Variants in AKAP6 observed in about 807,000 individuals in gnomAD.
The protein encoded by AKAP6 is A-kinase anchoring protein 6.
AKAP6 carries 58 observed loss-of-function variants against 188.5 expected under a neutral mutation model. The ratio of observed to expected loss-of-function variants is 0.31; its 90% confidence interval spans 0.25 to 0.38. AKAP6 has a LOEUF of 0.38. Among genes scored for constraint, AKAP6 ranks in the 10% least tolerant of loss-of-function variants. The pLI is 1.00. For synonymous variants in AKAP6, 989 were observed against 998.6 expected (o/e 0.99, Z 0.18); for missense variants, 2,710 against 2,740.0 (o/e 0.99, Z 0.24).
intron 1 of AKAP6, among the ~76,000 whole-genome samples, chr14:32,424,531 C>T (rs1889964556): frequency 6.6e-6 from 1 of 151,960 alleles, no homozygotes; most frequent in Non-Finnish European, 1.5e-5. Flanking sequence ...TTCAGGGGTA[C>T]AAGTGCAGGT....
intron 8 of AKAP6, among the ~76,000 whole-genome samples, chr14:32,689,492 T>C: frequency 6.6e-6 from 1 of 152,314 alleles, no homozygotes; most frequent in East Asian, 1.9e-4. Flanking sequence ...AAGAACTCCA[T>C]ATTCCTTTTA....
intron 9 of AKAP6, among the ~76,000 whole-genome samples, chr14:32,723,066 C>T (rs1481889046): frequency 1.3e-5 from 2 of 152,216 alleles, no homozygotes; most frequent in African/African-American, 4.8e-5. Context: ...TGCACCCGCT[C>T]ACCTGCGGGC....
chr14:32,638,659 CT>C (rs1259730150), intron 7 of AKAP6, among the ~76,000 whole-genome samples: 4 of 152,126 alleles, frequency 2.6e-5, no homozygotes, highest in African/African-American at 9.6e-5. Context: ...CTCTTTCCCT[CT>C]CTTTTTCTCC....
intron 2 of AKAP6, among the ~76,000 whole-genome samples, chr14:32,440,873 A>C (rs775076944): frequency 2.0e-5 from 3 of 152,178 alleles, no homozygotes; most frequent in Non-Finnish European, 2.9e-5. Context: ...GATGGGTGCT[A>C]TGATCTCAAA....
Position 32,545,216 on chromosome 14 carries a change from A to G in AKAP6, c.577-14A>G, listed in dbSNP as rs1883140701. 3 of 1,605,696 alleles carry G rather than the reference A, an allele frequency of 1.9e-6. No homozygotes were observed. The highest frequency in any genetic ancestry group is 2.6e-6 in the Non-Finnish European group (3 of 1,173,848). ...TGTTGCATTTACTGAAACCATTGCC[A>G]TTGTCTGTTTCAGGGCCGGCTTGAT... On this transcript the variant is annotated splice_polypyrimidine_tract_variant and intron_variant, in intron 3 of 13. Transcript: ENST00000280979.
chr14:32,697,557 C>T (rs563756979), intron 9 of AKAP6, among the ~76,000 whole-genome samples: 1 of 152,084 alleles, frequency 6.6e-6, no homozygotes, highest in Non-Finnish European at 1.5e-5. Context: ...AATATTTTAT[C>T]CCTAAGACTT....
At chr14:32,728,960 T>C (rs1401993868) in intron 9 of AKAP6, among the ~76,000 whole-genome samples, 1 of 152,192 alleles carries the variant, frequency 6.6e-6, no homozygotes, top group Non-Finnish European at 1.5e-5. Flanking sequence ...TGATGATCCC[T>C]CTATTTCAAA....
chr14:32,704,465 T>A (rs541069406), intron 9 of AKAP6, among the ~76,000 whole-genome samples: 2 of 152,338 alleles, frequency 1.3e-5, no homozygotes, highest in African/African-American at 4.8e-5. Flanking sequence ...CACTGCCATC[T>A]TTGGCTCCTG....
chr14:32,785,630 AAAGT>A (rs2033377153), intron 12 of AKAP6, among the ~76,000 whole-genome samples: 2 of 152,208 alleles, frequency 1.3e-5, no homozygotes, highest in Admixed American at 1.3e-4. Context: ...AAGTACTTGC[AAAGT>A]GTTGTAAATA....
At chr14:32,724,595 ACT>A (rs373741781) in intron 9 of AKAP6, among the ~76,000 whole-genome samples, 36 of 152,286 alleles carry the variant, frequency 2.4e-4, no homozygotes, top group African/African-American at 7.5e-4. Flanking sequence ...ACAAGTTGAC[ACT>A]CAATTAAAAT....
Position 32,451,305 on chromosome 14 carries a change from C to CT in AKAP6, c.324+17494dup, listed in dbSNP as rs554984673. The stretch of plus-strand genomic sequence containing the variant: ...TTAGTGAGTTGAATAATTTATTATC[C>CT]TTTTTTAAAAAACCTGATCCTACTT... On this transcript the variant is annotated intron_variant, in intron 2 of 13. Coordinates refer to ENST00000280979, the MANE Select transcript of AKAP6 (RefSeq NM_004274.5). Among the ~76,000 whole-genome samples, 329 of 152,152 alleles carry CT rather than the reference C, an allele frequency of 2.2e-3. 1 individual carries two copies. The highest frequency in any genetic ancestry group is 7.5e-3 in the African/African-American group (311 of 41,522).
At chr14:32,819,003 G>T (rs771718275) in intron 12 of AKAP6, among the ~76,000 whole-genome samples, 55 of 152,146 alleles carry the variant, frequency 3.6e-4, no homozygotes, top group Non-Finnish European at 6.2e-4. Context: ...TACAGCTGAA[G>T]ATTTTAACAT....
intron 2 of AKAP6, among the ~76,000 whole-genome samples, chr14:32,511,548 G>A (rs935326407): frequency 4.0e-5 from 6 of 151,862 alleles, no homozygotes; most frequent in African/African-American, 1.5e-4. Context: ...GCTAATTTTT[G>A]TATTTTTTAA....
intron 7 of AKAP6, among the ~76,000 whole-genome samples, chr14:32,671,767 A>C (rs1458899140): frequency 2.0e-5 from 3 of 150,606 alleles, no homozygotes; most frequent in Non-Finnish European, 4.4e-5. Context: ...GAAGTCTAGT[A>C]TGAGTGAACA....
chr14:32,591,837 G>A (rs995633741), intron 5 of AKAP6, among the ~76,000 whole-genome samples: 1 of 152,100 alleles, frequency 6.6e-6, no homozygotes, highest in Admixed American at 6.5e-5. Context: ...ACTTCATTTT[G>A]TTGGGGAAAT....
At chr14:32,351,890 A>G (rs1887285850) in intron 1 of AKAP6, among the ~76,000 whole-genome samples, 1 of 152,064 alleles carries the variant, frequency 6.6e-6, no homozygotes. Flanking sequence ...TAAATTACTA[A>G]TCTAATTTAT....
chr14:32,442,910 G>C (rs892899797), intron 2 of AKAP6, among the ~76,000 whole-genome samples: 2 of 152,108 alleles, frequency 1.3e-5, no homozygotes, highest in Non-Finnish European at 2.9e-5. Flanking sequence ...GAGGGGAAAC[G>C]TAATAGAATT....
chr14:32,774,096 G>A (rs1566701836), intron 12 of AKAP6: 2 of 588,610 alleles, frequency 3.4e-6, no homozygotes, highest in Non-Finnish European at 6.0e-6. Flanking sequence ...AACTCCATTT[G>A]TCATAACACT....
intron 1 of AKAP6, among the ~76,000 whole-genome samples, chr14:32,402,763 T>C (rs1221438977): frequency 8.6e-5 from 13 of 151,758 alleles, no homozygotes; most frequent in Non-Finnish European, 7.4e-5. Context: ...AGAGCTTTGC[T>C]CCGTTGCCTA....
Sources: allele counts gnomAD v4.1 joint callset (sites outside exome capture counted in the v4.1 genomes callset), GRCh38; gene constraint gnomAD v4.1.1; transcripts MANE v1.5; gene names NCBI Gene and HGNC (gene_info 2026-07-23, HGNC 2026-07-21).